The following TMEM132D variants were observed in gnomAD, a reference collection of about 807,000 sequenced individuals.
TMEM132D encodes the protein mature OL transmembrane protein.
In TMEM132D, 21 loss-of-function variants were observed where a neutral mutation model predicts 62.3. That is an observed-to-expected ratio of 0.34 (90% confidence interval 0.24 to 0.49). TMEM132D has a LOEUF of 0.49. Ranked by LOEUF, TMEM132D falls within the 20% of genes least tolerant of loss-of-function variation. The pLI, the probability that TMEM132D is intolerant of heterozygous loss-of-function variation, is 0.99. For missense variants in TMEM132D, 1,346 were observed against 1,402.8 expected (o/e 0.96, Z 0.65); for synonymous variants, 621 against 575.6 (o/e 1.08, Z -1.13).
intron 2 of TMEM132D, among the ~76,000 whole-genome samples, chr12:129,624,311 G>C (rs1375843877): frequency 6.6e-6 from 1 of 152,202 alleles, no homozygotes; most frequent in African/African-American, 2.4e-5. Flanking sequence ...AGGGTCAGAG[G>C]GGCTGCGTGC....
intron 2 of TMEM132D, among the ~76,000 whole-genome samples, chr12:129,551,548 G>T (rs1876898732): frequency 6.6e-6 from 1 of 152,030 alleles, no homozygotes; most frequent in Non-Finnish European, 1.5e-5. Flanking sequence ...CAGATTTTTG[G>T]CTTGTCTTGG....
intron 3 of TMEM132D, among the ~76,000 whole-genome samples, chr12:129,519,484 T>G (rs1875784154): frequency 6.6e-6 from 1 of 152,204 alleles, no homozygotes; most frequent in Non-Finnish European, 1.5e-5. Context: ...CATTTCAATA[T>G]AGCTGCATTC....
intron 6 of TMEM132D, 32 bp from the exon 7 acceptor site, chr12:129,082,064 T>G (rs1874471463): frequency 6.4e-7 from 1 of 1,571,622 alleles, no homozygotes; most frequent in African/African-American, 1.3e-5. Flanking sequence ...TTGCAGACAG[T>G]TACTTGTTGG....
chr12:129,247,864 GTTTT>G (rs34018738), intron 4 of TMEM132D, among the ~76,000 whole-genome samples: 44 of 145,838 alleles, frequency 3.0e-4, no homozygotes, highest in African/African-American at 1.0e-3. Context: ...CAATGAGCAG[GTTTT>G]TTTTTTTTTT....
At chr12:129,457,793 AACTC>A (rs1873524572) in intron 3 of TMEM132D, among the ~76,000 whole-genome samples, 2 of 152,030 alleles carry the variant, frequency 1.3e-5, no homozygotes, top group East Asian at 3.9e-4. Context: ...ATCTCATGAG[AACTC>A]ACTCACTATC....
intron 4 of TMEM132D, among the ~76,000 whole-genome samples, chr12:129,317,080 T>A (rs1868511408): frequency 1.3e-5 from 2 of 152,180 alleles, no homozygotes. Flanking sequence ...TGGGTTCTTA[T>A]GTATTCTGTG....
At chr12:129,107,352 T>C (rs1182271841) in intron 5 of TMEM132D, among the ~76,000 whole-genome samples, 1 of 152,240 alleles carries the variant, frequency 6.6e-6, no homozygotes, top group Non-Finnish European at 1.5e-5. Flanking sequence ...TTAAGATTAA[T>C]ATAATGCTCT....
intron 3 of TMEM132D, among the ~76,000 whole-genome samples, chr12:129,412,595 A>G (rs12809552): frequency 0.17 from 25,999 of 152,138 alleles, 2,623 homozygotes; most frequent in Non-Finnish European, 0.23. Context: ...GGTGGCTCAC[A>G]CCTGTAATCT....
chr12:129,393,718 C>T (rs1871350047), intron 3 of TMEM132D, among the ~76,000 whole-genome samples: 1 of 152,188 alleles, frequency 6.6e-6, no homozygotes, highest in Admixed American at 6.5e-5. Flanking sequence ...TAAACTCCAG[C>T]AAGCTTAAAC....
At chr12:129,316,440 G>GT (rs1868490594) in intron 4 of TMEM132D, among the ~76,000 whole-genome samples, 1 of 152,108 alleles carries the variant, frequency 6.6e-6, no homozygotes, top group Admixed American at 6.5e-5. Context: ...TGATTTCCAT[G>GT]TATTTGCCTG....
chr12:129,202,573 T>C (rs1201176710), intron 5 of TMEM132D, among the ~76,000 whole-genome samples: 1 of 152,194 alleles, frequency 6.6e-6, no homozygotes, highest in Admixed American at 6.5e-5. Context: ...CAAGAGTTCC[T>C]GCCCAAGTCT....
chr12:129,338,794 G>A (rs1329300518), intron 3 of TMEM132D, among the ~76,000 whole-genome samples: 2 of 152,186 alleles, frequency 1.3e-5, no homozygotes, highest in Non-Finnish European at 2.9e-5. Context: ...TTTTATATGT[G>A]ACAAAGCTAT....
intron 1 of TMEM132D, among the ~76,000 whole-genome samples, chr12:129,759,223 C>A (rs1870269816): frequency 6.6e-6 from 1 of 152,144 alleles, no homozygotes; most frequent in South Asian, 2.1e-4. Flanking sequence ...CGTGAGCCAC[C>A]ACGCCGGGTC....
In TMEM132D at chr12:129,256,729, G is replaced by T. The variant is rs532544535; in HGVS notation, c.1300-47066C>A. On this transcript the variant is annotated intron_variant, in intron 4 of 8. Transcript: ENST00000422113. ...GCACCATCACGTCTAGCTAATTTTT[G>T]TATTTTTAGTAGAGACGGGGTTTCA... Among the ~76,000 whole-genome samples the T allele has an allele frequency of 5.3e-4, 80 of 152,160 alleles. No homozygotes were observed. In the East Asian group the frequency reaches 0.015, roughly 28 times the overall value.
chr12:129,609,499 C>A (rs1878714535), intron 2 of TMEM132D, among the ~76,000 whole-genome samples: 1 of 152,146 alleles, frequency 6.6e-6, no homozygotes, highest in African/African-American at 2.4e-5. Context: ...GACAATGACG[C>A]AATGCCTGGG....
At chr12:129,528,246 G>A (rs370305068) in intron 3 of TMEM132D, among the ~76,000 whole-genome samples, 11 of 152,138 alleles carry the variant, frequency 7.2e-5, no homozygotes, top group East Asian at 3.9e-4. Context: ...ACATCTCATC[G>A]CAGTCCATTC....
intron 3 of TMEM132D, among the ~76,000 whole-genome samples, chr12:129,434,659 G>GTT (rs72491572): frequency 6.8e-6 from 1 of 146,902 alleles, no homozygotes; most frequent in Non-Finnish European, 1.5e-5. Flanking sequence ...TAAAGTTGTA[G>GTT]TTTTTTTTTT....
chr12:129,419,645 T>C (rs80103757), intron 3 of TMEM132D, among the ~76,000 whole-genome samples: 2,527 of 152,320 alleles, frequency 0.017, 85 homozygotes, highest in African/African-American at 0.058. Flanking sequence ...TTATGGCTAA[T>C]CTGCCTCCGG....
intron 5 of TMEM132D, among the ~76,000 whole-genome samples, chr12:129,088,024 CATGA>C (rs1565959601): frequency 1.4e-4 from 13 of 91,192 alleles, no homozygotes; most frequent in African/African-American, 4.8e-4. Context: ...GGGTGTCCTC[CATGA>C]CCGGGGTGTC....
Sources: allele counts gnomAD v4.1 joint callset (sites outside exome capture counted in the v4.1 genomes callset), GRCh38; gene constraint gnomAD v4.1.1; transcripts MANE v1.5; gene names NCBI Gene and HGNC (gene_info 2026-07-23, HGNC 2026-07-21).